HTR1A: variants seen among roughly 807,000 people sequenced by gnomAD.
The protein encoded by HTR1A is 5-HT1a receptor.
A neutral mutation model predicts 24.6 loss-of-function variants in HTR1A; 17 were observed. The ratio of observed to expected loss-of-function variants is 0.69; its 90% CI spans 0.47 to 1.04. HTR1A has a LOEUF of 1.04. Ranked by LOEUF, HTR1A falls within the 50% of genes least tolerant of loss-of-function variation. The pLI is 0.00. For synonymous variants in HTR1A, 262 were observed against 244.6 expected (o/e 1.07, Z -0.67); for missense variants, 515 against 565.1 (o/e 0.91, Z 0.90).
Position 63,960,531 on chromosome 5 carries a change from G to A in HTR1A, c.1189C>T (p.Pro397Ser), listed in dbSNP as rs200512649. 1.2e-6 allele frequency: 2 copies of A among 1,614,196 alleles called. No individual in the cohort carries two copies. The highest frequency in any genetic ancestry group is 1.7e-6 in the Non-Finnish European group (2 of 1,180,030). Residue 397 changes from proline (P) to serine (S), a missense_variant, in exon 1 of 1, where the codon CCC becomes TCC. Physicochemically the swap from Pro to Ser is moderately conservative, Grantham distance 74. Coordinates refer to ENST00000323865, the MANE Select transcript of HTR1A (RefSeq NM_000524.4). Reference protein sequence around the residue: ...WLGYSNSLLNPVIYAYFNKDF... With the variant: ...WLGYSNSLLNSVIYAYFNKDF... ...TTGTTGAAGTATGCGTAAATGACGG[G>A]GTTAAGCAGAGAGTTGGAGTAGCCC...
chr5:63,960,419 G>A lies in HTR1A; in HGVS notation c.*32C>T, dbSNP rs202213705. On this transcript the variant is annotated 3_prime_UTR_variant, in exon 1 of 1. Coordinates refer to ENST00000323865, the MANE Select transcript of HTR1A (RefSeq NM_000524.4). ...AAGCATAGTGAATGGGACGGATCCT[G>A]TAGCCTCGACTGGCCGGCTACTCCT... 199 of 1,607,962 alleles carry A rather than the reference G, an allele frequency of 1.2e-4. 1 individual carries two copies. The highest frequency in any genetic ancestry group is 1.6e-4 in the Non-Finnish European group (188 of 1,174,576).
Position 63,961,080 on chromosome 5 carries a change from G to A in HTR1A, c.640C>T (p.Leu214Phe), listed in dbSNP as rs1403228466. Residue 214 changes from leucine (L) to phenylalanine (F), a missense_variant, in exon 1 of 1, where the codon CTC (leucine) becomes TTC (phenylalanine). Around this residue, in one of 3 missense-constraint regions of HTR1A, gnomAD observed 381 missense variants for 384.5 expected, o/e 0.99. Coordinates refer to ENST00000323865, the MANE Select transcript of HTR1A (RefSeq NM_000524.4). Reference sequence around the variant, plus strand: ...GCAGCTCGGAATATGCGCCCATAGAGAACCAGCATGAGCAGCAGCGGGATG... The same window carrying A: ...GCAGCTCGGAATATGCGCCCATAGAAAACCAGCATGAGCAGCAGCGGGATG... ...FYIPLLLMLV[L>F]YGRIFRAARF... The A allele has an allele frequency of 6.2e-7, 1 of 1,614,246 alleles. No individual in the cohort carries two copies. The highest frequency in any genetic ancestry group is 8.5e-7 in the Non-Finnish European group (1 of 1,180,052).
At position 63,958,860 on chromosome 5, in the gene HTR1A, G is replaced by T. The variant is rs1006531454; in HGVS notation, c.*1591C>A. ...ACCCTTGGTACAGCAGAATGGTCAC[G>T]CTAGGGAGCAATTAATCCCATAAAA... On this transcript the variant is annotated 3_prime_UTR_variant, in exon 1 of 1. Coordinates refer to ENST00000323865, the MANE Select transcript of HTR1A (RefSeq NM_000524.4). 6.6e-6 allele frequency among the ~76,000 whole-genome samples: 1 copy of T among 152,112 alleles called. No individual in the cohort carries two copies. The highest frequency in any genetic ancestry group is 1.5e-5 in the Non-Finnish European group (1 of 67,988).
Position 63,960,261 on chromosome 5 carries a change from T to A in HTR1A, c.*190A>T, listed in dbSNP as rs1746397054. 4 of 672,186 alleles carry A rather than the reference T, an allele frequency of 6.0e-6. No individual in the cohort carries two copies. In the East Asian group the frequency reaches 1.0e-4, roughly 17 times the overall value. 41.6% of individuals were successfully genotyped at this position (672,186 alleles called of 1,614,324 possible). On this transcript the variant is annotated 3_prime_UTR_variant, in exon 1 of 1. Coordinates refer to ENST00000323865, the MANE Select transcript of HTR1A (RefSeq NM_000524.4). ...GGGCTCTCAACGCTCCTCCGCTGGGTCTCCTTTGCACAAAGGGCCCTGCCG... is the reference window on the plus strand; with the variant it reads ...GGGCTCTCAACGCTCCTCCGCTGGGACTCCTTTGCACAAAGGGCCCTGCCG...
rs1453474381 is a variant in HTR1A, at chr5:63,958,615, T to C, written c.*1836A>G. 6.6e-6 allele frequency among the ~76,000 whole-genome samples: 1 copy of C among 152,210 alleles called. No homozygotes were observed. Among genetic ancestry groups the C allele is most frequent in the Non-Finnish European group, 1.5e-5 (1 of 68,044 alleles). On this transcript the variant is annotated 3_prime_UTR_variant, in exon 1 of 1. Coordinates refer to ENST00000323865, the MANE Select transcript of HTR1A (RefSeq NM_000524.4). Reference sequence around the variant, plus strand: ...ATTTTCTGGAAAACAAGACCATTATTCATAAGAAAATTGGAGGCTAGATCA... The same window carrying C: ...ATTTTCTGGAAAACAAGACCATTATCCATAAGAAAATTGGAGGCTAGATCA...
Position 63,960,185 on chromosome 5 carries a change from A to G in HTR1A, c.*266T>C, listed in dbSNP as rs1383944460. On this transcript the variant is annotated 3_prime_UTR_variant, in exon 1 of 1. Coordinates refer to ENST00000323865, the MANE Select transcript of HTR1A (RefSeq NM_000524.4). ...AATTACTGGGATCAAAACTGATGAT[A>G]CAGGCGAAGTCTGAGCCAATGTCGC... 3.9e-5 allele frequency among the ~76,000 whole-genome samples: 6 copies of G among 152,216 alleles called. No homozygotes were observed. Among genetic ancestry groups the G allele is most frequent in the Non-Finnish European group, 8.8e-5 (6 of 68,038 alleles).
rs1746380585 is a variant in HTR1A at position 63,959,535 on chromosome 5, T to C, written c.*916A>G. ...GCCTCCCGCAGTAAGTAAGTGGCGA[T>C]GTCAGGTCGTACACACTCGCCAGCT... On this transcript the variant is annotated 3_prime_UTR_variant, in exon 1 of 1. Transcript: ENST00000323865. Among the ~76,000 whole-genome samples the C allele has an allele frequency of 6.6e-6, 1 of 152,234 alleles. No homozygotes were observed. The highest frequency in any genetic ancestry group is 2.4e-5 in the African/African-American group (1 of 41,456).
Position 63,961,606 on chromosome 5 carries a change from G to A in HTR1A, c.114C>T (p.Ile38=). Residue 38 remains isoleucine (I), a synonymous_variant, in exon 1 of 1, where the codon ATC becomes ATT. Coordinates refer to ENST00000323865, the MANE Select transcript of HTR1A (RefSeq NM_000524.4). ...TGAGCGTGCCCAGCAGCAGAGAGGTGATCACTTGGTAGCTGACGGTCACGT... is the reference window on the plus strand; with the variant it reads ...TGAGCGTGCCCAGCAGCAGAGAGGTAATCACTTGGTAGCTGACGGTCACGT... ...ISDVTVSYQV[I]TSLLLGTLIF... The A allele has an allele frequency of 6.2e-7, 1 of 1,614,074 alleles. No homozygotes were observed. The highest frequency in any genetic ancestry group is 8.5e-7 in the Non-Finnish European group (1 of 1,180,054).
At position 63,962,287 on chromosome 5, in the gene HTR1A, C is replaced by T. The variant is rs1354057806; in HGVS notation, c.-568G>A. On this transcript the variant is annotated 5_prime_UTR_variant, in exon 1 of 1. Coordinates refer to ENST00000323865, the MANE Select transcript of HTR1A (RefSeq NM_000524.4). Reference sequence around the variant, plus strand: ...TTCCTCCTCACTTCCCTTTATTTATCCCTCTGTGAGTCGCTTCGAAAGCCA... The same window carrying T: ...TTCCTCCTCACTTCCCTTTATTTATTCCTCTGTGAGTCGCTTCGAAAGCCA... Among the ~76,000 whole-genome samples, 5 of 151,934 alleles carry T rather than the reference C, an allele frequency of 3.3e-5. No homozygotes were observed. The highest frequency in any genetic ancestry group is 1.2e-4 in the African/African-American group (5 of 41,364).
chr5:63,957,991 G>A lies in HTR1A; in HGVS notation c.*2460C>T, dbSNP rs191117741. ...ATATTCCAAAGCCGAAAGAACAAAT[G>A]TCCAAAAGTCATTGTCACACAATTC... is the stretch of plus-strand genomic sequence containing the variant. On this transcript the variant is annotated 3_prime_UTR_variant, in exon 1 of 1. Transcript: ENST00000323865. The A allele has an allele frequency of 9.1e-4, 138 of 152,262 alleles. No individual in the cohort carries two copies. The highest frequency in any genetic ancestry group is 3.2e-3 in the African/African-American group (133 of 41,554). The allele number at this position is 152,262 out of a possible 1,614,324, so 9.4% of individuals were successfully genotyped here.
At position 63,960,769 on chromosome 5, in the gene HTR1A, G is replaced by A; in HGVS notation, c.951C>T (p.Ala317=). The A allele has an allele frequency of 6.2e-7, 1 of 1,614,138 alleles. No individual in the cohort carries two copies. Among genetic ancestry groups the A allele is most frequent in the Non-Finnish European group, 8.5e-7 (1 of 1,179,992 alleles). The change falls in exon 1 of 1, where the codon GCC becomes GCT. Residue 317 remains alanine (A), a synonymous_variant. Coordinates refer to ENST00000323865, the MANE Select transcript of HTR1A (RefSeq NM_000524.4). ...LPSEAGPTPC[A]PASFERKNER... is the part of the protein sequence containing the mutation. ...CATTTTTCCTCTCGAAAGAGGCGGG[G>A]GCACAAGGGGTAGGACCAGCCTCGC...
chr5:63,961,763 C>A lies in HTR1A; in HGVS notation c.-44G>T. On this transcript the variant is annotated 5_prime_UTR_variant, in exon 1 of 1. Coordinates refer to ENST00000323865, the MANE Select transcript of HTR1A (RefSeq NM_000524.4). ...GGAAGGGGGAGGGAAGAAAAAGCAG[C>A]GCGAAGATTCGCCTCGCCCCTTCCC... 2 of 1,599,450 alleles carry A rather than the reference C, an allele frequency of 1.3e-6. No individual in the cohort carries two copies. Among genetic ancestry groups the A allele is most frequent in the South Asian group, 2.2e-5 (2 of 90,682 alleles).
rs1800046 is a variant in HTR1A, at chr5:63,961,871, G to A, written c.-152C>T. 25 of 753,692 alleles carry A rather than the reference G, an allele frequency of 3.3e-5. No homozygotes were observed. Among genetic ancestry groups the A allele is most frequent in the African/African-American group, 3.1e-4 (18 of 58,322 alleles). 46.7% of individuals were successfully genotyped at this position (753,692 alleles called of 1,614,324 possible). On this transcript the variant is annotated 5_prime_UTR_variant, in exon 1 of 1. Transcript: ENST00000323865. ...AGCAGGAAGTTCTTACTGCTTCGGC[G>A]AAGGGTATCTCCGAGGAGCAGCTTT...
At position 63,961,105 on chromosome 5, in the gene HTR1A, G is replaced by A. The variant is rs765101448; in HGVS notation, c.615C>T (p.Tyr205=). 7.4e-6 allele frequency: 12 copies of A among 1,614,276 alleles called. No individual in the cohort carries two copies. Among genetic ancestry groups the A allele is most frequent in the Admixed American group, 1.7e-5 (1 of 60,034 alleles). ...YTIYSTFGAF[Y]IPLLLMLVLY... ...GAACCAGCATGAGCAGCAGCGGGAT[G>A]TAGAAAGCTCCAAAGGTGGAATAGA... The change falls in exon 1 of 1, where the codon TAC becomes TAT. Residue 205 remains tyrosine, a synonymous_variant. Transcript: ENST00000323865.
rs781259614 is a variant in HTR1A at position 63,960,774 on chromosome 5, AAGG to A, written c.943_945del (p.Pro315del). ...TTCCTCTCGAAAGAGGCGGGGGCACAAGGGGTAGGACCAGCCTCGCTGGGCAGA... is the reference window on the plus strand; with the variant it reads ...TTCCTCTCGAAAGAGGCGGGGGCACAGGTAGGACCAGCCTCGCTGGGCAGA... On this transcript the variant is annotated inframe_deletion, in exon 1 of 1. Transcript: ENST00000323865. The A allele has an allele frequency of 5.6e-6, 9 of 1,613,952 alleles. No homozygotes were observed. The highest frequency in any genetic ancestry group is 7.6e-6 in the Non-Finnish European group (9 of 1,179,990).
In HTR1A at chr5:63,961,713, C is replaced by T. The variant is rs200251982; in HGVS notation, c.7G>A (p.Val3Met). Reference protein sequence around the residue: MDVLSPGQGNNTT... With the variant: MDMLSPGQGNNTT... ...TTGTTGCCCTGACCAGGGCTGAGCACATCCATGCCTGCGCGCCCGGCGCGG... is the reference window on the plus strand; with the variant it reads ...TTGTTGCCCTGACCAGGGCTGAGCATATCCATGCCTGCGCGCCCGGCGCGG... The change falls in exon 1 of 1, where the codon GTG (valine) becomes ATG (methionine). Residue 3 changes from valine to methionine, a missense_variant. This residue lies in a region of HTR1A where 54 missense variants were observed against 49.8 expected (regional missense o/e 1.08). Transcript: ENST00000323865. 469 of 1,613,804 alleles carry T rather than the reference C, an allele frequency of 2.9e-4. 2 individuals carry two copies. Among genetic ancestry groups the T allele is most frequent in the Non-Finnish European group, 8.6e-5 (102 of 1,180,048 alleles).
In HTR1A at chr5:63,960,980, G is replaced by A. The variant is rs758546216; in HGVS notation, c.740C>T (p.Ala247Val). The part of the protein sequence containing the change: ...GADTRHGASP[A>V]PQPKKSVNGE... ...ATTCACACTCTTCTTGGGCTGCGGG[G>A]CGGGAGATGCTCCATGGCGGGTGTC... Residue 247 changes from alanine (A) to valine (V), a missense_variant, in exon 1 of 1, where the codon GCC becomes GTC. By Grantham distance (64) the Ala-to-Val change is moderately conservative. Around this residue, in one of 3 missense-constraint regions of HTR1A, gnomAD observed 381 missense variants for 384.5 expected, o/e 0.99. Transcript: ENST00000323865. 3 of 1,614,200 alleles carry A rather than the reference G, an allele frequency of 1.9e-6. No homozygotes were observed. The highest frequency in any genetic ancestry group is 1.1e-5 in the South Asian group (1 of 91,092).
rs149284354 is a variant in HTR1A, at chr5:63,960,865, G to A, written c.855C>T (p.Asp285=). Residue 285 remains aspartate (D), a synonymous_variant, in exon 1 of 1, where the codon GAC becomes GAT. Transcript: ENST00000323865. Reference sequence around the variant, plus strand: ...CGATCACCTCCAGGGCGGCGCCATCGTCACCTTGCCTCACCGCGCCATTGG... The same window carrying A: ...CGATCACCTCCAGGGCGGCGCCATCATCACCTTGCCTCACCGCGCCATTGG... The part of the protein sequence containing the change: ...LCANGAVRQG[D]DGAALEVIEV... The A allele has an allele frequency of 6.2e-7, 1 of 1,614,052 alleles. No individual in the cohort carries two copies. The highest frequency in any genetic ancestry group is 1.7e-5 in the Admixed American group (1 of 60,032).
chr5:63,958,594 T>C lies in HTR1A; in HGVS notation c.*1857A>G, dbSNP rs1314949716. On this transcript the variant is annotated 3_prime_UTR_variant, in exon 1 of 1. Coordinates refer to ENST00000323865, the MANE Select transcript of HTR1A (RefSeq NM_000524.4). ...TAGGGATCAATTACTTTGTGAATTT[T>C]CTGGAAAACAAGACCATTATTCATA... Among the ~76,000 whole-genome samples, 1 of 152,236 alleles carries C rather than the reference T, an allele frequency of 6.6e-6. No individual in the cohort carries two copies. The highest frequency in any genetic ancestry group is 1.5e-5 in the Non-Finnish European group (1 of 68,038).
Sources: gnomAD v4.1 joint callset for allele counts (sites outside exome capture counted in the v4.1 genomes callset) on GRCh38, gnomAD v4.1.1 for gene constraint, gnomAD v4.1.1 regional missense constraint, MANE v1.5 for transcripts, NCBI Gene and HGNC (gene_info 2026-07-23, HGNC 2026-07-21) for gene names.